SUSD1: variants seen among roughly 807,000 people sequenced by gnomAD.
SUSD1 encodes the protein sushi domain containing 1.
SUSD1 carries 65 observed loss-of-function variants against 86.9 expected under a neutral mutation model. That is an observed-to-expected ratio of 0.75 (90% CI 0.61 to 0.92). The LOEUF is 0.92. Ranked by LOEUF, SUSD1 falls within the 40% of genes least tolerant of loss-of-function variation. The pLI is 0.00. For synonymous variants in SUSD1, 346 were observed against 350.0 expected (o/e 0.99, Z 0.13); for missense variants, 850 against 929.7 (o/e 0.91, Z 1.11).
At chr9:112,127,126 C>T (rs1387218531) in intron 5 of SUSD1, among the ~76,000 whole-genome samples, 1 of 152,184 alleles carries the variant, frequency 6.6e-6, no homozygotes, top group Non-Finnish European at 1.5e-5. Flanking sequence ...AATCCCAGCA[C>T]TTTGGGAGGC....
At position 112,175,068 on chromosome 9, in the gene SUSD1, C is replaced by T. The variant is rs1672077273; in HGVS notation, c.103+65G>A. The T allele has an allele frequency of 2.0e-6, 2 of 993,482 alleles. No individual in the cohort carries two copies. Among genetic ancestry groups the T allele is most frequent in the Non-Finnish European group, 2.4e-6 (2 of 835,226 alleles). The allele number at this position is 993,482 out of a possible 1,614,324, so 61.5% of individuals were successfully genotyped here. On this transcript the variant is annotated intron_variant, in intron 1 of 16. Transcript: ENST00000374270. The surrounding 1 kb of genome is among the most constrained non-coding windows in gnomAD (Gnocchi z 4.7). ...AGGGGCGGGGAAGCGTCCGTGCGCCCAGAGTCCTCGAGGCCCAGCCGGGGG... is the reference window on the plus strand; with the variant it reads ...AGGGGCGGGGAAGCGTCCGTGCGCCTAGAGTCCTCGAGGCCCAGCCGGGGG...
intron 1 of SUSD1, chr9:112,173,690 G>A (rs1284769684): frequency 6.7e-5 from 29 of 430,396 alleles, no homozygotes; most frequent in Non-Finnish European, 1.2e-4. Flanking sequence ...GCTTGAGGTG[G>A]GCAACGTAGG....
At chr9:112,105,899 C>G (rs1015903341) in intron 8 of SUSD1, among the ~76,000 whole-genome samples, 9 of 152,172 alleles carry the variant, frequency 5.9e-5, no homozygotes, top group African/African-American at 2.2e-4. Context: ...TTGCCGGGTA[C>G]ATTAATAAAT....
intron 12 of SUSD1, among the ~76,000 whole-genome samples, chr9:112,065,900 C>T (rs1012872738): frequency 3.9e-5 from 6 of 152,220 alleles, no homozygotes; most frequent in South Asian, 4.1e-4. Flanking sequence ...CAGCCGTCAG[C>T]GCCTGTTGGC....
intron 2 of SUSD1, among the ~76,000 whole-genome samples, chr9:112,153,306 ACAATAGCTTAGG>A (rs2131805055): frequency 6.6e-6 from 1 of 152,148 alleles, no homozygotes; most frequent in African/African-American, 2.4e-5. Context: ...ACACACACAC[ACAATAGCTTAGG>A]CAATAGCTTA....
chr9:112,054,058 A>G (rs1828340898), intron 14 of SUSD1, among the ~76,000 whole-genome samples: 2 of 152,220 alleles, frequency 1.3e-5, no homozygotes, highest in Admixed American at 1.3e-4. Context: ...AGGCATGGCA[A>G]TGCTATTTAC....
rs1834230612 is a variant in SUSD1, at chr9:112,175,259, C to G, written c.-24G>C. ...ATGCCGCCGCCGGTCCCTCCCGGCG[C>G]GCCCGCGCCTCCTCCCGGGGCCCTC... On this transcript the variant is annotated 5_prime_UTR_variant, in exon 1 of 17. Transcript: ENST00000374270. This position sits in a 1 kb window ranked among gnomAD's most constrained non-coding sequence, Gnocchi z 4.7. 11 of 1,144,598 alleles carry G rather than the reference C, an allele frequency of 9.6e-6. No homozygotes were observed. Among genetic ancestry groups the G allele is most frequent in the Non-Finnish European group, 1.2e-5 (11 of 932,338 alleles). 70.9% of individuals were successfully genotyped at this position (1,144,598 alleles called of 1,614,324 possible).
chr9:112,141,191 A>T (rs1320992579), intron 5 of SUSD1, among the ~76,000 whole-genome samples: 1 of 152,228 alleles, frequency 6.6e-6, no homozygotes, highest in Non-Finnish European at 1.5e-5. Flanking sequence ...AAGTTTGTTT[A>T]CACCAGCAAT....
chr9:112,083,704 C>T (rs1829861665), intron 10 of SUSD1, among the ~76,000 whole-genome samples: 1 of 152,204 alleles, frequency 6.6e-6, no homozygotes, highest in Non-Finnish European at 1.5e-5. Context: ...TTCTCAATCA[C>T]TTCTCAATTA....
chr9:112,112,004 CA>C (rs1831121475), intron 7 of SUSD1, 164 bp from the exon 8 acceptor site: 1 of 648,454 alleles, frequency 1.5e-6, no homozygotes, highest in Non-Finnish European at 2.6e-6. Flanking sequence ...CTGATCAGCC[CA>C]GTGAATATTA....
intron 8 of SUSD1, among the ~76,000 whole-genome samples, chr9:112,109,852 T>C (rs1266973334): frequency 6.6e-6 from 1 of 152,246 alleles, no homozygotes; most frequent in Non-Finnish European, 1.5e-5. Context: ...TATTATTTAC[T>C]TGCAAAGAAT....
intron 8 of SUSD1, 69 bp downstream of exon 8, chr9:112,111,585 T>A: frequency 6.5e-7 from 1 of 1,549,010 alleles, no homozygotes; most frequent in East Asian, 2.2e-5. Context: ...CAGCTGATTC[T>A]GCAGCATACT....
chr9:112,125,044 A>C (rs1831711997), intron 5 of SUSD1, among the ~76,000 whole-genome samples: 1 of 152,224 alleles, frequency 6.6e-6, no homozygotes, highest in African/African-American at 2.4e-5. Context: ...TAACCACTCT[A>C]GACCCAGCCA....
chr9:112,131,002 G>T (rs1442431155), intron 5 of SUSD1, among the ~76,000 whole-genome samples: 1 of 152,116 alleles, frequency 6.6e-6, no homozygotes, highest in African/African-American at 2.4e-5. Flanking sequence ...CAACCTAAGT[G>T]ACAGAGACCC....
chr9:112,065,545 C>T (rs78090261), intron 12 of SUSD1, among the ~76,000 whole-genome samples: 1 of 152,198 alleles, frequency 6.6e-6, no homozygotes, highest in East Asian at 1.9e-4. Flanking sequence ...AATAAAAACA[C>T]TGAATCCCCA....
In SUSD1 at chr9:112,149,372, G is replaced by A. The variant is rs771553655; in HGVS notation, c.245C>T (p.Thr82Ile). Residue 82 changes from threonine to isoleucine, a missense_variant, in exon 3 of 17, where the codon ACT becomes ATT. Coordinates refer to ENST00000374270, the MANE Select transcript of SUSD1 (RefSeq NM_022486.5). ...VDKNECQFGA[T>I]LVCGNHTSCH... ...AGATGTGTGGTTCCCACAGACAAGA[G>A]TGGCTCCAAACTGGCACTCATTTTT... 2.5e-6 allele frequency: 4 copies of A among 1,614,140 alleles called. No homozygotes were observed. Among genetic ancestry groups the A allele is most frequent in the Non-Finnish European group, 3.4e-6 (4 of 1,180,028 alleles).
chr9:112,154,335 CAAAAAAA>C (rs887833151), intron 2 of SUSD1, among the ~76,000 whole-genome samples: 1 of 70,416 alleles, frequency 1.4e-5, no homozygotes, highest in Admixed American at 1.7e-4. Context: ...CACACACACA[CAAAAAAA>C]AAAAAAAAAA....
rs200834005 is a variant in SUSD1, at chr9:112,098,507, C to T, written c.1437G>A (p.Arg479=). 15 of 1,614,004 alleles carry T rather than the reference C, an allele frequency of 9.3e-6. No individual in the cohort carries two copies. Among genetic ancestry groups the T allele is most frequent in the Middle Eastern group, 3.3e-4 (2 of 6,084 alleles). The change falls in exon 10 of 17, where the codon CGG becomes CGA. Residue 479 remains arginine, a synonymous_variant. Transcript: ENST00000374270. The part of the protein sequence containing the change: ...VNVTLLRSPK[R]HSVQITIATP... ...TTGCTATTGTTATTTGCACTGAGTG[C>T]CGCTTAGGAGATCTCAGCAGGGTCA...
Position 112,175,186 on chromosome 9 carries a change from A to G in SUSD1, c.50T>C (p.Leu17Pro), listed in dbSNP as rs963446898. 5.4e-5 allele frequency: 62 copies of G among 1,143,462 alleles called. No homozygotes were observed. Among genetic ancestry groups the G allele is most frequent in the Middle Eastern group, 3.7e-4 (1 of 2,728 alleles). 70.8% of individuals were successfully genotyped at this position (1,143,462 alleles called of 1,614,324 possible). The change falls in exon 1 of 17, where the codon CTG (leucine) becomes CCG (proline). Residue 17 changes from leucine to proline, a missense_variant. Physicochemically the swap from Leu to Pro is moderately conservative, Grantham distance 98. Coordinates refer to ENST00000374270, the MANE Select transcript of SUSD1 (RefSeq NM_022486.5). The surrounding 1 kb of genome is among the most constrained non-coding windows in gnomAD (Gnocchi z 4.7). ...GCGGGCCAGGCCGAGCAGCAGCAACAGCGGCAGCAGGCGGCGAGACGGGCC... is the reference window on the plus strand; with the variant it reads ...GCGGGCCAGGCCGAGCAGCAGCAACGGCGGCAGCAGGCGGCGAGACGGGCC... ...DAGPSRRLLP[L>P]LLLLGLARGA...
Sources: allele counts gnomAD v4.1 joint callset (sites outside exome capture counted in the v4.1 genomes callset), GRCh38; gene constraint gnomAD v4.1.1; non-coding constraint Gnocchi (gnomAD v3.1); transcripts MANE v1.5; gene names NCBI Gene and HGNC (gene_info 2026-07-23, HGNC 2026-07-21).